The following DACH1 variants were observed in gnomAD, a reference collection of about 807,000 sequenced individuals.
DACH1 encodes the protein dachshund family transcription factor 1, also known as dachshund homolog 1.
DACH1 carries 12 observed loss-of-function variants against 54.2 expected under a neutral mutation model. That is an observed-to-expected ratio of 0.22 (90% CI 0.14 to 0.36). The LOEUF (loss-of-function observed/expected upper bound fraction) is 0.36. DACH1 is among the 10% of genes least tolerant of loss of function. The pLI, the probability that DACH1 is intolerant of heterozygous loss-of-function variation, is 1.00. For missense variants in DACH1, 805 were observed against 929.8 expected, an observed-to-expected ratio of 0.87 and a Z score of 1.75; for synonymous variants, 386 against 366.2, an observed-to-expected ratio of 1.05 and a Z score of -0.62.
At chr13:71,756,254 A>T (rs1276837021) in intron 1 of DACH1, among the ~76,000 whole-genome samples, 3 of 151,866 alleles carry the variant, frequency 2.0e-5, no homozygotes, top group Admixed American at 2.0e-4. Context: ...AGTGTTAGCC[A>T]GGATGGTCTT....
chr13:71,550,411 C>T (rs183929522), intron 6 of DACH1, among the ~76,000 whole-genome samples: 114 of 152,208 alleles, frequency 7.5e-4, no homozygotes, highest in African/African-American at 2.3e-3. Context: ...GGAAGGCATA[C>T]ATATCCCATG....
intron 1 of DACH1, among the ~76,000 whole-genome samples, chr13:71,835,899 A>C (rs1036822965): frequency 2.0e-5 from 3 of 152,102 alleles, no homozygotes; most frequent in Non-Finnish European, 4.4e-5. Flanking sequence ...AAAATCGCAG[A>C]GATCTGGAAA....
intron 3 of DACH1, among the ~76,000 whole-genome samples, chr13:71,626,969 T>C (rs1394735732): frequency 2.0e-5 from 3 of 151,882 alleles, no homozygotes; most frequent in Non-Finnish European, 2.9e-5. Context: ...AAGAATCCAA[T>C]TGATTGTGGA....
At chr13:71,846,778 C>T (rs1220185624) in intron 1 of DACH1, among the ~76,000 whole-genome samples, 2 of 152,178 alleles carry the variant, frequency 1.3e-5, no homozygotes, top group Non-Finnish European at 2.9e-5. Flanking sequence ...AGCAAGTAAA[C>T]TAACTGCTCT....
At chr13:71,443,707 T>C (rs1240046373) in intron 10 of DACH1, among the ~76,000 whole-genome samples, 1 of 152,072 alleles carries the variant, frequency 6.6e-6, no homozygotes, top group Non-Finnish European at 1.5e-5. Context: ...TGTGTAGATA[T>C]GCAGTCTAAA....
chr13:71,848,530 C>T (rs950262653), intron 1 of DACH1, among the ~76,000 whole-genome samples: 1 of 151,466 alleles, frequency 6.6e-6, no homozygotes, highest in Non-Finnish European at 1.5e-5. Flanking sequence ...GAATTCTAAA[C>T]AGAAAACAAC....
rs182420256 is a variant in DACH1 at position 71,836,261 on chromosome 13, A to C, written c.848+29661T>G. ...GGCTATGAAGAATTCTACATTTTCC[A>C]AAAAAAAAGACTAAAATATTAAATA... On this transcript the variant is annotated intron_variant, in intron 1 of 10. Transcript: ENST00000613252. 4.9e-3 allele frequency among the ~76,000 whole-genome samples: 741 copies of C among 150,960 alleles called. 11 individuals are homozygous for C. The highest frequency in any genetic ancestry group is 0.017 in the African/African-American group (706 of 41,152).
chr13:71,514,801 C>A (rs533412603), intron 6 of DACH1, among the ~76,000 whole-genome samples: 2 of 151,954 alleles, frequency 1.3e-5, no homozygotes, highest in African/African-American at 4.8e-5. Context: ...AAGGATAATG[C>A]AGCCCACCAC....
chr13:71,491,033 C>T (rs569641794), intron 6 of DACH1, among the ~76,000 whole-genome samples: 4 of 152,276 alleles, frequency 2.6e-5, no homozygotes, highest in African/African-American at 9.6e-5. Context: ...TACACATTTA[C>T]ACACATTTAG....
At chr13:71,541,925 GTTTTTTTT>G (rs397720054) in intron 6 of DACH1, among the ~76,000 whole-genome samples, 1 of 105,834 alleles carries the variant, frequency 9.4e-6, no homozygotes, top group East Asian at 2.7e-4. Context: ...TATTTGCCCA[GTTTTTTTT>G]TTTTTTTTTT....
chr13:71,862,015 A>G (rs1874394014), intron 1 of DACH1, among the ~76,000 whole-genome samples: 1 of 151,646 alleles, frequency 6.6e-6, no homozygotes, highest in Admixed American at 6.6e-5. Context: ...CACTTTCAAT[A>G]TTTTGTCCAT....
intron 1 of DACH1, among the ~76,000 whole-genome samples, chr13:71,762,682 G>A: frequency 6.8e-6 from 1 of 146,234 alleles, no homozygotes. Flanking sequence ...CAAGAGAATT[G>A]CTTGAACCCA....
chr13:71,441,793 A>T (rs1874028277), intron 10 of DACH1, among the ~76,000 whole-genome samples: 1 of 152,112 alleles, frequency 6.6e-6, no homozygotes, highest in African/African-American at 2.4e-5. Flanking sequence ...ACTTAATATC[A>T]GCAATGTTAA....
chr13:71,762,689 C>T (rs543175139), intron 1 of DACH1, among the ~76,000 whole-genome samples: 120 of 149,790 alleles, frequency 8.0e-4, no homozygotes, highest in African/African-American at 2.8e-3. Context: ...ATTGCTTGAA[C>T]CCAGGAGGCG....
chr13:71,578,955 A>C (rs2138428797), intron 3 of DACH1, among the ~76,000 whole-genome samples: 1 of 152,236 alleles, frequency 6.6e-6, no homozygotes, highest in South Asian at 2.1e-4. Context: ...GTTGTTATAA[A>C]TTCTAACTGC....
intron 1 of DACH1, among the ~76,000 whole-genome samples, chr13:71,702,430 A>G (rs1325928571): frequency 6.6e-6 from 1 of 152,240 alleles, no homozygotes. Flanking sequence ...CTTAACAAGC[A>G]AACATTAACA....
At chr13:71,772,961 A>G (rs557042381) in intron 1 of DACH1, among the ~76,000 whole-genome samples, 3 of 151,824 alleles carry the variant, frequency 2.0e-5, no homozygotes, top group Non-Finnish European at 4.4e-5. Flanking sequence ...ATAACAAAAT[A>G]TGCTATATTG....
intron 1 of DACH1, among the ~76,000 whole-genome samples, chr13:71,804,806 G>T (rs1457044168): frequency 6.6e-6 from 1 of 152,010 alleles, no homozygotes; most frequent in Non-Finnish European, 1.5e-5. Context: ...CTTTCAAGGG[G>T]TTTAGTCTAT....
At chr13:71,800,369 A>G (rs1301917447) in intron 1 of DACH1, among the ~76,000 whole-genome samples, 1 of 152,168 alleles carries the variant, frequency 6.6e-6, no homozygotes, top group African/African-American at 2.4e-5. Flanking sequence ...AACACAAGGG[A>G]AAACACAAGA....
Sources: gnomAD v4.1 joint callset for allele counts (sites outside exome capture counted in the v4.1 genomes callset) on GRCh38, gnomAD v4.1.1 for gene constraint, MANE v1.5 for transcripts, NCBI Gene and HGNC (gene_info 2026-07-23, HGNC 2026-07-21) for gene names.